The following NFYA variants were observed in gnomAD, a reference collection of about 807,000 sequenced individuals.
NFYA encodes the protein CAAT-box DNA binding protein subunit A.
A neutral mutation model predicts 52.8 loss-of-function variants in NFYA; 28 were observed. The ratio of observed to expected loss-of-function variants is 0.53; its 90% confidence interval spans 0.39 to 0.73. The LOEUF (loss-of-function observed/expected upper bound fraction) is 0.73, where lower values mean the gene tolerates loss of function less well. Ranked by LOEUF, NFYA falls within the 30% of genes least tolerant of loss-of-function variation. The pLI is 0.00. For missense variants in NFYA, 234 were observed against 427.0 expected, an observed-to-expected ratio of 0.55 and a Z score of 3.98; for synonymous variants, 150 against 150.7, an observed-to-expected ratio of 1.00 and a Z score of 0.03.
At chr6:41,083,972 C>G in intron 3 of NFYA, 74 bp from the exon 4 acceptor site, 2 of 1,411,254 alleles carry the variant, frequency 1.4e-6, no homozygotes, top group Non-Finnish European at 1.9e-6. Context: ...CAGAATAGTT[C>G]CAGTGATTGT....
chr6:41,088,423 CA>C (rs34590854), intron 4 of NFYA, among the ~76,000 whole-genome samples: 4,100 of 64,712 alleles, frequency 0.063, 43 homozygotes, highest in Middle Eastern at 0.087. Context: ...ACTCCGTCTC[CA>C]AAAAAAAAAA....
chr6:41,075,033 C>T (rs1207737477), intron 1 of NFYA, among the ~76,000 whole-genome samples: 2 of 152,098 alleles, frequency 1.3e-5, no homozygotes, highest in African/African-American at 2.4e-5. Flanking sequence ...ACTAAAACTT[C>T]GGGGACAGGT....
chr6:41,095,486 C>G (rs577930624), intron 9 of NFYA, among the ~76,000 whole-genome samples: 1 of 152,162 alleles, frequency 6.6e-6, no homozygotes, highest in African/African-American at 2.4e-5. Flanking sequence ...TTTTTGGAGG[C>G]AGTGGTGTGA....
chr6:41,091,722 C>T (rs79163992), intron 7 of NFYA, 28 bp downstream of exon 7: 33,936 of 1,600,706 alleles, frequency 0.021, 425 homozygotes, highest in Non-Finnish European at 0.026. Context: ...TCAGCTTTGT[C>T]TTTGAAATTT....
intron 3 of NFYA, among the ~76,000 whole-genome samples, chr6:41,082,618 G>A (rs1053243092): frequency 6.6e-6 from 1 of 152,188 alleles, no homozygotes; most frequent in African/African-American, 2.4e-5. Flanking sequence ...TTTAAAAGAA[G>A]TGGAAACACT....
rs1764438851 is a variant in NFYA, at chr6:41,099,308, T to A, written c.*1898T>A. On this transcript the variant is annotated 3_prime_UTR_variant, in exon 10 of 10. Coordinates refer to ENST00000341376, the MANE Select transcript of NFYA (RefSeq NM_002505.5). Reference sequence around the variant, plus strand: ...ATATTCCTTGGTTAATTTAGGAGTCTAAGATGCAGAGTTCAGAAAGAAATT... The same window carrying A: ...ATATTCCTTGGTTAATTTAGGAGTCAAAGATGCAGAGTTCAGAAAGAAATT... The A allele has an allele frequency of 6.6e-6, 1 of 151,828 alleles. No individual in the cohort carries two copies. Among genetic ancestry groups the A allele is most frequent in the African/African-American group, 2.4e-5 (1 of 41,448 alleles). The allele number at this position is 151,828 out of a possible 1,614,324, so 9.4% of individuals were successfully genotyped here.
intron 5 of NFYA, 22 bp from the exon 6 acceptor site, chr6:41,090,182 T>C (rs759417152): frequency 1.3e-6 from 2 of 1,494,348 alleles, no homozygotes; most frequent in South Asian, 2.3e-5. Context: ...TGTTGAATTG[T>C]GTCATTACTT....
chr6:41,101,520 T>G lies in NFYA; in HGVS notation c.*4110T>G, dbSNP rs538006188. The stretch of plus-strand genomic sequence containing the variant: ...TATTAAGCGTTCTGTTTCAATTATT[T>G]TATTCGTTCAGTTAATTCGTTCTTG... On this transcript the variant is annotated 3_prime_UTR_variant, in exon 10 of 10. Coordinates refer to ENST00000341376, the MANE Select transcript of NFYA (RefSeq NM_002505.5). Among the ~76,000 whole-genome samples, 1 of 152,314 alleles carries G rather than the reference T, an allele frequency of 6.6e-6. No individual in the cohort carries two copies. The highest frequency in any genetic ancestry group is 1.9e-4 in the East Asian group (1 of 5,188).
chr6:41,095,905 G>A (rs1479056330), intron 9 of NFYA, among the ~76,000 whole-genome samples: 1 of 152,106 alleles, frequency 6.6e-6, no homozygotes, highest in East Asian at 1.9e-4. Context: ...TATTTGTTGG[G>A]TTTAGTATCC....
chr6:41,096,653 A>G (rs1345800363), intron 9 of NFYA, among the ~76,000 whole-genome samples: 1 of 152,200 alleles, frequency 6.6e-6, no homozygotes, highest in Non-Finnish European at 1.5e-5. Flanking sequence ...CTGCCTACCA[A>G]GGCTTCAGAG....
chr6:41,093,663 G>A (rs535478158), intron 8 of NFYA, among the ~76,000 whole-genome samples: 22 of 152,106 alleles, frequency 1.4e-4, no homozygotes, highest in Admixed American at 1.0e-3. Context: ...TAGAGACGGG[G>A]TTTCACCATG....
chr6:41,075,832 T>G (rs957753565), intron 1 of NFYA: 6 of 152,214 alleles, frequency 3.9e-5, no homozygotes, highest in African/African-American at 1.4e-4. Context: ...CAGTATAGGT[T>G]TTTAGTCCAT....
chr6:41,079,070 G>A lies in NFYA; in HGVS notation c.-20G>A. Reference sequence around the variant, plus strand: ...CTTCTAGGATCTCCAGAGTGGACAGGAATCTCACTTGGAGGGACCATGGAG... The same window carrying A: ...CTTCTAGGATCTCCAGAGTGGACAGAAATCTCACTTGGAGGGACCATGGAG... On this transcript the variant is annotated 5_prime_UTR_variant, in exon 2 of 10. Coordinates refer to ENST00000341376, the MANE Select transcript of NFYA (RefSeq NM_002505.5). 6.2e-7 allele frequency: 1 copy of A among 1,612,032 alleles called. No homozygotes were observed. The highest frequency in any genetic ancestry group is 1.1e-5 in the South Asian group (1 of 90,982).
At chr6:41,082,046 T>C (rs1037818577) in intron 3 of NFYA, among the ~76,000 whole-genome samples, 3 of 152,198 alleles carry the variant, frequency 2.0e-5, no homozygotes, top group African/African-American at 4.8e-5. Context: ...GGTACCCTAC[T>C]TTTTCCCTCC....
chr6:41,088,116 C>T (rs984587267), intron 4 of NFYA, among the ~76,000 whole-genome samples: 1 of 152,102 alleles, frequency 6.6e-6, no homozygotes, highest in Non-Finnish European at 1.5e-5. Flanking sequence ...TAGAAGTTAG[C>T]AGCTTAAAAC....
In NFYA at chr6:41,100,202, TACATTTGATGCTAC is replaced by T. The variant is rs1764461581; in HGVS notation, c.*2793_*2806del. Among the ~76,000 whole-genome samples, 1 of 152,226 alleles carries T rather than the reference TACATTTGATGCTAC, an allele frequency of 6.6e-6. No homozygotes were observed. The highest frequency in any genetic ancestry group is 1.5e-5 in the Non-Finnish European group (1 of 68,042). ...TTTTCTGTCACCTGCAGGCTGATCATACATTTGATGCTACTACTGAAAGTGTTTATCAAAATGTG... is the reference window on the plus strand; with the variant it reads ...TTTTCTGTCACCTGCAGGCTGATCATTACTGAAAGTGTTTATCAAAATGTG... On this transcript the variant is annotated 3_prime_UTR_variant, in exon 10 of 10. Coordinates refer to ENST00000341376, the MANE Select transcript of NFYA (RefSeq NM_002505.5).
intron 3 of NFYA, among the ~76,000 whole-genome samples, chr6:41,082,317 G>C (rs1291197558): frequency 6.6e-6 from 1 of 152,148 alleles, no homozygotes; most frequent in African/African-American, 2.4e-5. Context: ...GCTTGTTAAT[G>C]TTTTTCATGC....
At chr6:41,083,924 C>T in intron 3 of NFYA, 122 bp from the exon 4 acceptor site, 1 of 922,272 alleles carries the variant, frequency 1.1e-6, no homozygotes, top group South Asian at 2.1e-5. Context: ...CATATATTTT[C>T]TTAGTCTTTT....
chr6:41,085,065 CAAAA>C (rs1356864725), intron 4 of NFYA, among the ~76,000 whole-genome samples: 3 of 151,270 alleles, frequency 2.0e-5, no homozygotes, highest in Admixed American at 1.3e-4. Context: ...CAAAAAAAAA[CAAAA>C]AGTCATTATA....
Sources: allele counts gnomAD v4.1 joint callset (sites outside exome capture counted in the v4.1 genomes callset), GRCh38; gene constraint gnomAD v4.1.1; transcripts MANE v1.5; gene names NCBI Gene and HGNC (gene_info 2026-07-23, HGNC 2026-07-21).